Variants in CSPP1 observed in about 807,000 individuals in gnomAD.
The protein encoded by CSPP1 is centrosome and spindle pole associated protein 1, also known as centrosome and spindle pole-associated protein 1.
In CSPP1, 126 loss-of-function variants were observed where a neutral mutation model predicts 164.4. The ratio of observed to expected loss-of-function variants is 0.77; its 90% confidence interval spans 0.66 to 0.89. The LOEUF (loss-of-function observed/expected upper bound fraction) is 0.89, where lower values mean the gene tolerates loss of function less well. Ranked by LOEUF, CSPP1 falls within the 40% of genes least tolerant of loss-of-function variation. The pLI is 0.00. For synonymous variants in CSPP1, 472 were observed against 476.7 expected, an observed-to-expected ratio of 0.99 and a Z score of 0.13; for missense variants, 1,395 against 1,449.8, an observed-to-expected ratio of 0.96 and a Z score of 0.61.
chr8:67,133,550 A>G (rs1219256558), intron 16 of CSPP1: 1 of 152,236 alleles, frequency 6.6e-6, no homozygotes, highest in Non-Finnish European at 1.5e-5. Flanking sequence ...GCAAATCATA[A>G]TCCTTTTGCT....
intron 1 of CSPP1, among the ~76,000 whole-genome samples, chr8:67,066,317 G>A (rs55662680): frequency 0.12 from 18,732 of 152,116 alleles, 2,265 homozygotes; most frequent in African/African-American, 0.31. Context: ...CTGCCAGGAG[G>A]AAGATGGAGA....
rs563804640 is a variant in CSPP1 at position 67,196,120 on chromosome 8, G to C, written c.*527G>C. The C allele has an allele frequency of 6.5e-6, 1 of 152,678 alleles. No homozygotes were observed. The highest frequency in any genetic ancestry group is 1.5e-5 in the Non-Finnish European group (1 of 68,346). The allele number at this position is 152,678 out of a possible 1,614,324, so 9.5% of individuals were successfully genotyped here. A position where few individuals can be genotyped will look rare whatever the true frequency, so the allele number is the denominator to read the frequency against. On this transcript the variant is annotated 3_prime_UTR_variant, in exon 31 of 31. Transcript: ENST00000678616. ...GAAATGAAGGGAACTGTAATTACTT[G>C]TATTTTTGTAAGCCATACGTTAAAT...
At chr8:67,116,471 T>C (rs1029581868) in intron 13 of CSPP1, among the ~76,000 whole-genome samples, 5 of 152,210 alleles carry the variant, frequency 3.3e-5, no homozygotes, top group Non-Finnish European at 7.4e-5. Flanking sequence ...TTGGCAAACA[T>C]TGAATTCTTC....
Position 67,064,452 on chromosome 8 carries a change from T to G in CSPP1, c.-97T>G. 6.2e-7 allele frequency: 1 copy of G among 1,613,864 alleles called. No homozygotes were observed. Among genetic ancestry groups the G allele is most frequent in the East Asian group, 2.2e-5 (1 of 44,866 alleles). ...TAACCTCTTCGGTCCGCGACGATCC[T>G]CTAGAGCACTGTGTGTCTCCCCGGA... On this transcript the variant is annotated 5_prime_UTR_variant, in exon 1 of 31. Coordinates refer to ENST00000678616, the MANE Select transcript of CSPP1 (RefSeq NM_001382391.1).
chr8:67,186,272 T>C (rs1352756680), intron 28 of CSPP1, among the ~76,000 whole-genome samples: 2 of 152,182 alleles, frequency 1.3e-5, no homozygotes, highest in Non-Finnish European at 2.9e-5. Context: ...AATACCTGTT[T>C]AGTTTTTAAA....
intron 24 of CSPP1, among the ~76,000 whole-genome samples, chr8:67,164,759 C>T (rs1333079958): frequency 6.6e-6 from 1 of 152,114 alleles, no homozygotes; most frequent in Non-Finnish European, 1.5e-5. Flanking sequence ...TTATATTTTC[C>T]ATTAATAACG....
Position 67,116,000 on chromosome 8 carries a change from A to AC in CSPP1, c.1376dup (p.Leu460SerfsTer23). 1 of 1,613,554 alleles carries AC rather than the reference A, an allele frequency of 6.2e-7. No individual in the cohort carries two copies. Among genetic ancestry groups the AC allele is most frequent in the Non-Finnish European group, 8.5e-7 (1 of 1,179,792 alleles). ...AAAGACCCAGAATAGCTTTCCAGACACCTCTCCCTCCTTTATCTGCCCCAT... is the reference window on the plus strand; with the variant it reads ...AAAGACCCAGAATAGCTTTCCAGACACCCTCTCCCTCCTTTATCTGCCCCAT... On this transcript the variant is annotated frameshift_variant, in exon 13 of 31. Coordinates refer to ENST00000678616, the MANE Select transcript of CSPP1 (RefSeq NM_001382391.1). LOFTEE classifies it high-confidence loss of function.
chr8:67,121,432 T>C (rs557822378), intron 15 of CSPP1, among the ~76,000 whole-genome samples: 1 of 143,036 alleles, frequency 7.0e-6, no homozygotes, highest in South Asian at 2.2e-4. Flanking sequence ...GATGATCATG[T>C]TTTTTTCCCC....
At chr8:67,176,899 C>T (rs1039957638) in intron 26 of CSPP1, among the ~76,000 whole-genome samples, 4 of 151,812 alleles carry the variant, frequency 2.6e-5, no homozygotes, top group Admixed American at 2.0e-4. Context: ...GTGAAACCCC[C>T]GTCTCTACTA....
At chr8:67,108,082 G>A (rs1816010328) in intron 9 of CSPP1, among the ~76,000 whole-genome samples, 1 of 148,704 alleles carries the variant, frequency 6.7e-6, no homozygotes, top group Non-Finnish European at 1.5e-5. Context: ...CAGTTGTTGA[G>A]TATAGTAGTT....
At chr8:67,145,605 C>T (rs529725160) in intron 17 of CSPP1, among the ~76,000 whole-genome samples, 10 of 151,674 alleles carry the variant, frequency 6.6e-5, no homozygotes, top group Non-Finnish European at 1.5e-4. Context: ...CTCACTGCAA[C>T]CTCCGCCTCC....
chr8:67,116,156 G>A lies in CSPP1; in HGVS notation c.1496+34G>A, dbSNP rs1388115624. Reference sequence around the variant, plus strand: ...TTAAATGTTTTGTGTTTGGGAATTAGGTAAGGTATTGCTATATTTTATGTT... The same window carrying A: ...TTAAATGTTTTGTGTTTGGGAATTAAGTAAGGTATTGCTATATTTTATGTT... On this transcript the variant is annotated intron_variant, in intron 13 of 30. Coordinates refer to ENST00000678616, the MANE Select transcript of CSPP1 (RefSeq NM_001382391.1). 4.8e-6 allele frequency: 7 copies of A among 1,446,710 alleles called. No homozygotes were observed. In the Middle Eastern group the frequency reaches 8.7e-4, roughly 180 times the overall value. 89.6% of individuals were successfully genotyped at this position (1,446,710 alleles called of 1,614,324 possible).
chr8:67,098,840 G>A (rs1467020081), intron 7 of CSPP1, among the ~76,000 whole-genome samples: 1 of 151,946 alleles, frequency 6.6e-6, no homozygotes, highest in Non-Finnish European at 1.5e-5. Flanking sequence ...CAGGTACAGA[G>A]TAGATGGGGT....
intron 17 of CSPP1, among the ~76,000 whole-genome samples, chr8:67,149,136 G>A (rs190888060): frequency 2.8e-3 from 425 of 152,186 alleles, no homozygotes; most frequent in Middle Eastern, 0.02. Flanking sequence ...TTGTCATATG[G>A]GCCTCTCCAT....
At chr8:67,174,888 A>G (rs1831244343) in intron 25 of CSPP1, 1 of 159,124 alleles carries the variant, frequency 6.3e-6, no homozygotes, top group Admixed American at 6.1e-5. Context: ...TTATTTTTTC[A>G]CGTTTCCAGT....
intron 15 of CSPP1, among the ~76,000 whole-genome samples, chr8:67,122,874 C>CTGTGTG (rs34484092): frequency 2.7e-5 from 4 of 149,284 alleles, no homozygotes; most frequent in Non-Finnish European, 6.0e-5. Flanking sequence ...CAGTCTTGCT[C>CTGTGTG]TGTGTGTGTG....
chr8:67,133,011 A>C (rs1234910252), intron 16 of CSPP1, among the ~76,000 whole-genome samples: 1 of 152,202 alleles, frequency 6.6e-6, no homozygotes, highest in Non-Finnish European at 1.5e-5. Flanking sequence ...AAAATTACAG[A>C]ATTACCAACC....
At chr8:67,136,900 A>AG (rs531242132) in intron 16 of CSPP1, among the ~76,000 whole-genome samples, 126 of 152,192 alleles carry the variant, frequency 8.3e-4, no homozygotes, top group Middle Eastern at 6.8e-3. Flanking sequence ...TTGAGTCTGA[A>AG]GTACCTTAGT....
chr8:67,071,280 C>CTA (rs1201555120), intron 1 of CSPP1, among the ~76,000 whole-genome samples: 1 of 151,586 alleles, frequency 6.6e-6, no homozygotes, highest in Non-Finnish European at 1.5e-5. Context: ...TTTACCAGTT[C>CTA]TATTTTGTAC....
Sources: gnomAD v4.1 joint callset for allele counts (sites outside exome capture counted in the v4.1 genomes callset) on GRCh38, gnomAD v4.1.1 for gene constraint, MANE v1.5 for transcripts, NCBI Gene and HGNC (gene_info 2026-07-23, HGNC 2026-07-21) for gene names.